Variants in GRM1 observed in about 807,000 individuals in gnomAD.
The protein encoded by GRM1 is glutamate metabotropic receptor 1, also known as metabotropic glutamate receptor 1.
GRM1 carries 33 observed loss-of-function variants against 90.9 expected under a neutral mutation model. The observed-to-expected ratio is 0.36, with a 90% CI of 0.28 to 0.49. The LOEUF (loss-of-function observed/expected upper bound fraction) is 0.49, where lower values mean the gene tolerates loss of function less well. Among genes scored for constraint, GRM1 ranks in the 20% least tolerant of loss-of-function variants. The pLI is 0.99. For missense variants in GRM1, 1,190 were observed against 1,534.3 expected (o/e 0.78, Z 3.75); for synonymous variants, 700 against 613.2 (o/e 1.14, Z -2.09).
In GRM1 at chr6:146,128,262, A is replaced by G. The variant is rs114794158; in HGVS notation, c.701-31086A>G. On this transcript the variant is annotated intron_variant, in intron 1 of 7. Coordinates refer to ENST00000282753, the MANE Select transcript of GRM1 (RefSeq NM_001278064.2). ...TCACGTTGTAGGAAGAACATGTGGA[A>G]GGGGATATATCCCTGGGGCCATCTT... is the stretch of plus-strand genomic sequence containing the variant. Among the ~76,000 whole-genome samples the G allele has an allele frequency of 5.6e-3, 851 of 152,312 alleles. 5 individuals are homozygous for G. The highest frequency in any genetic ancestry group is 0.02 in the African/African-American group (825 of 41,576).
chr6:146,230,289 A>C (rs555172610), intron 2 of GRM1, among the ~76,000 whole-genome samples: 307 of 152,344 alleles, frequency 2.0e-3, no homozygotes, highest in African/African-American at 7.0e-3. Flanking sequence ...TGTTGTCCAT[A>C]TACAAAGAAC....
intron 2 of GRM1, among the ~76,000 whole-genome samples, chr6:146,177,515 A>C (rs1052765816): frequency 6.6e-6 from 1 of 152,066 alleles, no homozygotes; most frequent in African/African-American, 2.4e-5. Context: ...CCTGGCATTC[A>C]GTTTCAGAGC....
At chr6:146,388,146 G>A (rs1776576605) in intron 6 of GRM1, among the ~76,000 whole-genome samples, 1 of 152,016 alleles carries the variant, frequency 6.6e-6, no homozygotes, top group African/African-American at 2.4e-5. Flanking sequence ...ATAAATTTTA[G>A]GAGCCATAGA....
intron 2 of GRM1, among the ~76,000 whole-genome samples, chr6:146,187,714 T>TA (rs1418620147): frequency 6.6e-6 from 1 of 150,602 alleles, no homozygotes; most frequent in East Asian, 1.9e-4. Flanking sequence ...AGAAGAAAAA[T>TA]ATCTACAACA....
At chr6:146,193,388 A>G (rs1185546337) in intron 2 of GRM1, among the ~76,000 whole-genome samples, 1 of 152,184 alleles carries the variant, frequency 6.6e-6, no homozygotes, top group African/African-American at 2.4e-5. Flanking sequence ...CCATGAGAAA[A>G]TAACTACAAG....
intron 2 of GRM1, among the ~76,000 whole-genome samples, chr6:146,220,221 A>G (rs1331059613): frequency 6.6e-6 from 1 of 152,200 alleles, no homozygotes; most frequent in Admixed American, 6.6e-5. Flanking sequence ...CAGTGTAAAT[A>G]TAGGTAGTTA....
chr6:146,324,078 C>T (rs867972226), intron 3 of GRM1, among the ~76,000 whole-genome samples: 43 of 152,310 alleles, frequency 2.8e-4, no homozygotes, highest in Admixed American at 5.2e-4. Flanking sequence ...GATGTTCTTT[C>T]AGAGATTCCC....
intron 2 of GRM1, among the ~76,000 whole-genome samples, chr6:146,244,396 C>A (rs970507765): frequency 2.0e-5 from 3 of 152,202 alleles, no homozygotes; most frequent in Non-Finnish European, 4.4e-5. Context: ...TCTGCCATGG[C>A]TTCAGCCAGT....
intron 2 of GRM1, among the ~76,000 whole-genome samples, chr6:146,265,908 A>T (rs78528473): frequency 0.019 from 2,935 of 152,278 alleles, 39 homozygotes; most frequent in Admixed American, 0.028. Context: ...TACATATTAG[A>T]GGCTGGGAGT....
At position 146,142,800 on chromosome 6, in the gene GRM1, C is replaced by T. The variant is rs1251963600; in HGVS notation, c.701-16548C>T. Among the ~76,000 whole-genome samples, 3 of 152,108 alleles carry T rather than the reference C, an allele frequency of 2.0e-5. No homozygotes were observed. In the East Asian group the frequency reaches 5.8e-4, roughly 29 times the overall value. On this transcript the variant is annotated intron_variant, in intron 1 of 7. Coordinates refer to ENST00000282753, the MANE Select transcript of GRM1 (RefSeq NM_001278064.2). ...TTACCCTTTCAGGGCAGTGGGCTCT[C>T]TTCTCACCCAGGGAAGGTTGAGAAA...
chr6:146,267,148 C>T (rs1450849236), intron 2 of GRM1, among the ~76,000 whole-genome samples: 1 of 152,150 alleles, frequency 6.6e-6, no homozygotes, highest in Non-Finnish European at 1.5e-5. Flanking sequence ...ATTTGGTTTT[C>T]TGTTCCTGCA....
chr6:146,126,514 A>G (rs1254094862), intron 1 of GRM1, among the ~76,000 whole-genome samples: 4 of 152,174 alleles, frequency 2.6e-5, no homozygotes, highest in South Asian at 2.1e-4. Flanking sequence ...TAAAATCACT[A>G]AACCAGAGAA....
chr6:146,200,489 T>C (rs1236497219), intron 2 of GRM1, among the ~76,000 whole-genome samples: 1 of 152,226 alleles, frequency 6.6e-6, no homozygotes, highest in Non-Finnish European at 1.5e-5. Flanking sequence ...TCTTTAGTCA[T>C]TGGGTCACTG....
At chr6:146,056,899 A>G (rs1775500172) in intron 1 of GRM1, among the ~76,000 whole-genome samples, 1 of 152,174 alleles carries the variant, frequency 6.6e-6, no homozygotes, top group African/African-American at 2.4e-5. Flanking sequence ...GTACTTGGCT[A>G]TCTCCTGCTG....
chr6:146,401,283 A>G (rs927403677), intron 7 of GRM1, among the ~76,000 whole-genome samples: 3 of 152,126 alleles, frequency 2.0e-5, no homozygotes, highest in African/African-American at 7.2e-5. Flanking sequence ...TAAGTTTGTT[A>G]TAGGATGTTG....
chr6:146,323,900 G>A (rs1338868582), intron 3 of GRM1, among the ~76,000 whole-genome samples: 1 of 152,174 alleles, frequency 6.6e-6, no homozygotes, highest in Non-Finnish European at 1.5e-5. Flanking sequence ...TCAGATAGTT[G>A]TAGATATGTG....
At chr6:146,038,661 T>C (rs144790847) in intron 1 of GRM1, among the ~76,000 whole-genome samples, 103 of 152,052 alleles carry the variant, frequency 6.8e-4, no homozygotes, top group African/African-American at 2.3e-3. Context: ...TCTCCCTTTA[T>C]AAAAATTGCA....
At chr6:146,050,062 T>C (rs1167244070) in intron 1 of GRM1, among the ~76,000 whole-genome samples, 1 of 151,944 alleles carries the variant, frequency 6.6e-6, no homozygotes, top group Non-Finnish European at 1.5e-5. Flanking sequence ...CTAGATATTG[T>C]CAGCATTTTT....
chr6:146,250,077 A>G (rs1172567804), intron 2 of GRM1, among the ~76,000 whole-genome samples: 2 of 152,168 alleles, frequency 1.3e-5, no homozygotes, highest in Non-Finnish European at 2.9e-5. Context: ...CTGTACTCCC[A>G]TTGTATCTTG....
Sources: gnomAD v4.1 joint callset for allele counts (sites outside exome capture counted in the v4.1 genomes callset) on GRCh38, gnomAD v4.1.1 for gene constraint, MANE v1.5 for transcripts, NCBI Gene and HGNC (gene_info 2026-07-23, HGNC 2026-07-21) for gene names.